The following SLC35F4 variants were observed in gnomAD, a reference collection of about 807,000 sequenced individuals.
SLC35F4 encodes chromosome 14 open reading frame 36.
In SLC35F4, 24 loss-of-function variants were observed where a neutral mutation model predicts 44.2. The ratio of observed to expected loss-of-function variants is 0.54; its 90% CI spans 0.39 to 0.76. SLC35F4 has a LOEUF of 0.76. Among genes scored for constraint, SLC35F4 ranks in the 30% least tolerant of loss-of-function variants. SLC35F4 has a pLI of 0.00. For synonymous variants in SLC35F4, 238 were observed against 223.6 expected (o/e 1.06, Z -0.57); for missense variants, 562 against 586.1 (o/e 0.96, Z 0.42).
chr14:57,876,991 C>CTT (rs1047252980), intron 1 of SLC35F4, among the ~76,000 whole-genome samples: 3 of 149,440 alleles, frequency 2.0e-5, no homozygotes, highest in African/African-American at 7.4e-5. Context: ...GGTGACCCAT[C>CTT]TTTTTTTTTT....
chr14:57,721,988 C>CTAGAT (rs3062940), intron 1 of SLC35F4, among the ~76,000 whole-genome samples: 59,760 of 151,534 alleles, frequency 0.39, 11,743 homozygotes, highest in Non-Finnish European at 0.41. Context: ...AGATCTATAA[C>CTAGAT]TAAAGTCCTT....
chr14:57,880,296 A>G (rs1888506130), intron 1 of SLC35F4, among the ~76,000 whole-genome samples: 1 of 152,186 alleles, frequency 6.6e-6, no homozygotes, highest in Non-Finnish European at 1.5e-5. Flanking sequence ...TAGTATTATC[A>G]TATGAAAACT....
intron 1 of SLC35F4, among the ~76,000 whole-genome samples, chr14:57,894,545 T>C (rs1181371820): frequency 6.6e-6 from 1 of 152,120 alleles, no homozygotes; most frequent in East Asian, 1.9e-4. Flanking sequence ...AGCTATGTAA[T>C]ATATATGTCA....
At chr14:57,589,653 T>C in intron 2 of SLC35F4, 140 bp from the exon 3 acceptor site, 1 of 935,358 alleles carries the variant, frequency 1.1e-6, no homozygotes, top group Non-Finnish European at 1.5e-6. Flanking sequence ...CTACCATCAT[T>C]TGAAGAGACT....
chr14:57,724,661 G>A (rs1216583460), intron 1 of SLC35F4, among the ~76,000 whole-genome samples: 1 of 152,168 alleles, frequency 6.6e-6, no homozygotes, highest in East Asian at 1.9e-4. Flanking sequence ...CTCCCCCCCA[G>A]CCTGCACCAG....
intron 1 of SLC35F4, among the ~76,000 whole-genome samples, chr14:57,873,761 C>T (rs1888341194): frequency 6.8e-6 from 1 of 147,530 alleles, no homozygotes; most frequent in African/African-American, 2.6e-5. Flanking sequence ...ACACACATGA[C>T]AAACCCTGAA....
downstream of SLC35F4, among the ~76,000 whole-genome samples, chr14:57,975,824 A>T (rs1431659159): frequency 1.3e-5 from 2 of 152,238 alleles, no homozygotes; most frequent in African/African-American, 2.4e-5. Context: ...GAATAAGTGT[A>T]GAACTAAAAG....
At chr14:57,679,751 T>C (rs368558278) in intron 1 of SLC35F4, among the ~76,000 whole-genome samples, 5 of 151,934 alleles carry the variant, frequency 3.3e-5, no homozygotes, top group Non-Finnish European at 5.9e-5. Context: ...AACACCTCTA[T>C]GCAAATAAAC....
chr14:57,644,317 GTGTGAGAT>G (rs2073393049), intron 1 of SLC35F4, among the ~76,000 whole-genome samples: 1 of 152,152 alleles, frequency 6.6e-6, no homozygotes, highest in Non-Finnish European at 1.5e-5. Flanking sequence ...ATTCTAACTA[GTGTGAGAT>G]GGTATCTCAC....
intron 7 of SLC35F4, 122 bp downstream of exon 7, chr14:57,566,353 A>C: frequency 1.1e-6 from 1 of 893,852 alleles, no homozygotes. Context: ...ATATTTAAAA[A>C]CATCTTCCCA....
intron 1 of SLC35F4, among the ~76,000 whole-genome samples, chr14:57,768,476 C>T (rs1224373081): frequency 6.6e-6 from 1 of 152,158 alleles, no homozygotes; most frequent in Non-Finnish European, 1.5e-5. Flanking sequence ...GCAAAATATA[C>T]TGGGGGTGAG....
chr14:57,816,263 G>T (rs555484245), intron 1 of SLC35F4, among the ~76,000 whole-genome samples: 2 of 152,216 alleles, frequency 1.3e-5, no homozygotes, highest in Admixed American at 1.3e-4. Context: ...TCATTAAACA[G>T]AGCCAAATGG....
intron 1 of SLC35F4, chr14:57,630,983 T>C (rs2072743469): frequency 9.2e-6 from 3 of 325,328 alleles, no homozygotes; most frequent in Non-Finnish European, 1.3e-5. Flanking sequence ...TTGACCATAA[T>C]TTGCAACATT....
intron 1 of SLC35F4, among the ~76,000 whole-genome samples, chr14:57,738,850 T>C (rs960619225): frequency 6.8e-6 from 1 of 147,660 alleles, no homozygotes; most frequent in African/African-American, 2.5e-5. Flanking sequence ...TATATATATA[T>C]GAAATTTAAA....
At chr14:57,626,103 A>G (rs531757795) in intron 1 of SLC35F4, among the ~76,000 whole-genome samples, 3 of 147,368 alleles carry the variant, frequency 2.0e-5, no homozygotes, top group African/African-American at 7.5e-5. Context: ...GTTTTCACTC[A>G]TAAGTGGGAG....
intron 1 of SLC35F4, among the ~76,000 whole-genome samples, chr14:57,662,370 A>T (rs1041898137): frequency 6.6e-6 from 1 of 152,194 alleles, no homozygotes; most frequent in Non-Finnish European, 1.5e-5. Context: ...CAGTATGGCA[A>T]TATTGAGAGT....
chr14:57,670,065 G>A (rs1438893465), intron 1 of SLC35F4, among the ~76,000 whole-genome samples: 1 of 152,070 alleles, frequency 6.6e-6, no homozygotes, highest in Non-Finnish European at 1.5e-5. Context: ...TTGGGAGAGT[G>A]TATGTGTCGA....
chr14:57,787,395 C>A (rs61399115), intron 1 of SLC35F4, among the ~76,000 whole-genome samples: 5,611 of 152,148 alleles, frequency 0.037, 356 homozygotes, highest in African/African-American at 0.13. Flanking sequence ...GTCATCCAAA[C>A]ACAAGAAGCA....
At chr14:57,930,426 A>C (rs530839540) in intron 1 of SLC35F4, among the ~76,000 whole-genome samples, 1 of 152,088 alleles carries the variant, frequency 6.6e-6, no homozygotes, top group South Asian at 2.1e-4. Flanking sequence ...CCAGTTGCTC[A>C]TTGTCTCTGA....
Sources: allele counts gnomAD v4.1 joint callset (sites outside exome capture counted in the v4.1 genomes callset), GRCh38; gene constraint gnomAD v4.1.1; transcripts MANE v1.5; gene names NCBI Gene and HGNC (gene_info 2026-07-23, HGNC 2026-07-21).